The following GNB4 variants were observed in gnomAD, a reference collection of about 807,000 sequenced individuals.
The protein encoded by GNB4 is G protein subunit beta 4, also known as guanine nucleotide-binding protein subunit beta-4.
GNB4 carries 28 observed loss-of-function variants against 45.2 expected under a neutral mutation model. The observed-to-expected ratio is 0.62, with a 90% CI of 0.46 to 0.85. The LOEUF (loss-of-function observed/expected upper bound fraction) is 0.85. Among genes scored for constraint, GNB4 ranks in the 40% least tolerant of loss-of-function variants. GNB4 has a pLI of 0.00. For synonymous variants in GNB4, 132 were observed against 143.7 expected, an observed-to-expected ratio of 0.92 and a Z score of 0.58; for missense variants, 321 against 425.4, an observed-to-expected ratio of 0.75 and a Z score of 2.16.
At chr3:179,515,521 G>T in the GNB4 span, among the ~76,000 whole-genome samples, 4 of 152,168 alleles carry the variant, frequency 2.6e-5, no homozygotes, top group South Asian at 2.1e-4. Flanking sequence ...GGTGCTCAGT[G>T]GGGGAGCTTC....
chr3:179,493,721 C>T, the GNB4 span, among the ~76,000 whole-genome samples: 7 of 152,058 alleles, frequency 4.6e-5, no homozygotes, highest in Admixed American at 2.0e-4. Context: ...CCATGAAAAC[C>T]AAGTGGAGGA....
At chr3:179,511,892 C>G in the GNB4 span, among the ~76,000 whole-genome samples, 3 of 152,178 alleles carry the variant, frequency 2.0e-5, no homozygotes, top group Non-Finnish European at 4.4e-5. Flanking sequence ...AGGCTCTACA[C>G]TGTCCAATAT....
chr3:179,467,331 A>C, the GNB4 span, among the ~76,000 whole-genome samples: 1 of 152,180 alleles, frequency 6.6e-6, no homozygotes, highest in Non-Finnish European at 1.5e-5. Flanking sequence ...ACTTAGGCAT[A>C]GGAGATGTTT....
intron 4 of GNB4, among the ~76,000 whole-genome samples, chr3:179,417,622 A>G (rs1482957889): frequency 6.6e-6 from 1 of 152,170 alleles, no homozygotes; most frequent in Non-Finnish European, 1.5e-5. Flanking sequence ...TCTTGACCTC[A>G]AGTGATCCAC....
the GNB4 span, among the ~76,000 whole-genome samples, chr3:179,500,942 TTTGCTGAAA>T: frequency 6.6e-6 from 1 of 152,246 alleles, no homozygotes; most frequent in Non-Finnish European, 1.5e-5. Context: ...ATCCTGAGAC[TTTGCTGAAA>T]TTGCTTATCA....
chr3:179,413,361 T>C, intron 8 of GNB4, 51 bp downstream of exon 8: 1 of 1,416,900 alleles, frequency 7.1e-7, no homozygotes, highest in Non-Finnish European at 1.0e-6. Context: ...GCCATAGAGC[T>C]CAACACTTTA....
intron 2 of GNB4, among the ~76,000 whole-genome samples, chr3:179,423,932 G>C (rs759953933): frequency 2.0e-5 from 3 of 152,102 alleles, no homozygotes; most frequent in Non-Finnish European, 4.4e-5. Flanking sequence ...AGATGAGAAA[G>C]AGTAATGCGT....
chr3:179,505,751 A>G, the GNB4 span, among the ~76,000 whole-genome samples: 1 of 152,212 alleles, frequency 6.6e-6, no homozygotes, highest in Non-Finnish European at 1.5e-5. Flanking sequence ...TTTAAGAGTC[A>G]TCATATGACT....
At chr3:179,521,398 C>T in the GNB4 span, among the ~76,000 whole-genome samples, 22 of 152,196 alleles carry the variant, frequency 1.4e-4, no homozygotes, top group African/African-American at 4.1e-4. Flanking sequence ...GGCCTGTCCT[C>T]GGAATGCTAC....
At chr3:179,477,186 T>A in the GNB4 span, among the ~76,000 whole-genome samples, 1 of 151,864 alleles carries the variant, frequency 6.6e-6, no homozygotes, top group Non-Finnish European at 1.5e-5. Context: ...AATCCTTGGT[T>A]TACTCTCCTG....
chr3:179,465,005 C>A, the GNB4 span: 1 of 1,535,270 alleles, frequency 6.5e-7, no homozygotes, highest in Non-Finnish European at 9.0e-7. Flanking sequence ...GGTGCATGAA[C>A]GTCCCGGAGG....
the GNB4 span, among the ~76,000 whole-genome samples, chr3:179,461,453 C>T: frequency 1.3e-5 from 2 of 149,412 alleles, no homozygotes; most frequent in African/African-American, 2.5e-5. Context: ...GCCGAGATTG[C>T]GCCACTGCAC....
chr3:179,525,626 G>A, the GNB4 span, among the ~76,000 whole-genome samples: 13 of 152,284 alleles, frequency 8.5e-5, no homozygotes, highest in South Asian at 8.3e-4. Flanking sequence ...TCAGGCAGGC[G>A]TCCCCGCAGG....
At chr3:179,436,690 A>C (rs1189985729) in intron 1 of GNB4, among the ~76,000 whole-genome samples, 2 of 152,220 alleles carry the variant, frequency 1.3e-5, no homozygotes, top group Non-Finnish European at 2.9e-5. Context: ...TTTCTCAGGA[A>C]GTTAGTCAAA....
the GNB4 span, among the ~76,000 whole-genome samples, chr3:179,499,458 C>T: frequency 6.6e-6 from 1 of 152,010 alleles, no homozygotes; most frequent in Non-Finnish European, 1.5e-5. Context: ...CACGCCTGGC[C>T]AATGTGCCAC....
chr3:179,523,727 G>A, the GNB4 span, among the ~76,000 whole-genome samples: 21 of 152,082 alleles, frequency 1.4e-4, no homozygotes, highest in African/African-American at 4.4e-4. Flanking sequence ...AGTAATGGGC[G>A]TGTGATTGGT....
At chr3:179,438,397 T>A (rs921942382) in intron 1 of GNB4, among the ~76,000 whole-genome samples, 9 of 152,234 alleles carry the variant, frequency 5.9e-5, no homozygotes, top group African/African-American at 2.2e-4. Context: ...ATCTGTGCAG[T>A]GGGGATCTCT....
chr3:179,455,590 C>T (rs895113164), upstream of GNB4, among the ~76,000 whole-genome samples: 1 of 152,210 alleles, frequency 6.6e-6, no homozygotes, highest in Admixed American at 6.5e-5. Context: ...ATCCCAAGAA[C>T]TCTTCTGAAC....
At chr3:179,428,212 T>C in intron 1 of GNB4, among the ~76,000 whole-genome samples, 1 of 152,260 alleles carries the variant, frequency 6.6e-6, no homozygotes, top group Non-Finnish European at 1.5e-5. Context: ...CATTAAGGTA[T>C]ATAAAACAGT....
Sources: gnomAD v4.1 joint callset for allele counts (sites outside exome capture counted in the v4.1 genomes callset) on GRCh38, gnomAD v4.1.1 for gene constraint, MANE v1.5 for transcripts, NCBI Gene and HGNC (gene_info 2026-07-23, HGNC 2026-07-21) for gene names.